NKAIN2: variants seen among roughly 807,000 people sequenced by gnomAD.
NKAIN2 encodes sodium/potassium-transporting ATPase subunit beta-1-interacting protein 2.
A neutral mutation model predicts 32.6 loss-of-function variants in NKAIN2; 14 were observed. The ratio of observed to expected loss-of-function variants is 0.43; its 90% CI spans 0.28 to 0.67. The LOEUF (loss-of-function observed/expected upper bound fraction) is 0.67. NKAIN2 is among the 30% of genes least tolerant of loss of function. The pLI, the probability that NKAIN2 is intolerant of heterozygous loss-of-function variation, is 0.17. For synonymous variants in NKAIN2, 80 were observed against 87.2 expected (o/e 0.92, Z 0.46); for missense variants, 198 against 258.3 (o/e 0.77, Z 1.60).
intron 3 of NKAIN2, among the ~76,000 whole-genome samples, chr6:124,522,256 G>A (rs970728946): frequency 1.3e-5 from 2 of 152,006 alleles, no homozygotes; most frequent in African/African-American, 4.8e-5. Context: ...ATGTAAAACT[G>A]CTTTCATATA....
At chr6:124,677,956 A>C (rs1227766096) in intron 4 of NKAIN2, among the ~76,000 whole-genome samples, 1 of 151,562 alleles carries the variant, frequency 6.6e-6, no homozygotes, top group Non-Finnish European at 1.5e-5. Flanking sequence ...TTTTTCCTTC[A>C]TTTTTGAATG....
intron 1 of NKAIN2, among the ~76,000 whole-genome samples, chr6:124,055,913 A>C (rs2114843964): frequency 6.6e-6 from 1 of 152,206 alleles, no homozygotes; most frequent in South Asian, 2.1e-4. Context: ...TTTAACTAAA[A>C]TGGTTGAATT....
chr6:123,884,193 T>A (rs1773606348), intron 1 of NKAIN2, among the ~76,000 whole-genome samples: 2 of 152,118 alleles, frequency 1.3e-5, no homozygotes, highest in Admixed American at 6.6e-5. Flanking sequence ...CTCCCCCTTA[T>A]AAGTGAGAAC....
At chr6:124,256,164 A>C (rs920467366) in intron 1 of NKAIN2, among the ~76,000 whole-genome samples, 6 of 152,190 alleles carry the variant, frequency 3.9e-5, no homozygotes, top group Non-Finnish European at 5.9e-5. Context: ...CATTTGGGCA[A>C]AAATACTCTG....
At chr6:124,056,063 G>C (rs113668322) in intron 1 of NKAIN2, among the ~76,000 whole-genome samples, 2,066 of 152,066 alleles carry the variant, frequency 0.014, 32 homozygotes, top group African/African-American at 0.039. Context: ...TGAGCTGATC[G>C]ATTGCCCACA....
In NKAIN2 at chr6:124,825,013, TAAAC is replaced by T. The variant is rs1230634231; in HGVS notation, c.*1787_*1790del. The T allele has an allele frequency of 1.3e-5, 2 of 152,596 alleles. No individual in the cohort carries two copies. The highest frequency in any genetic ancestry group is 2.9e-5 in the Non-Finnish European group (2 of 68,026). The allele number at this position is 152,596 out of a possible 1,614,324, so 9.5% of individuals were successfully genotyped here. On this transcript the variant is annotated 3_prime_UTR_variant, in exon 7 of 7. Coordinates refer to ENST00000368417, the MANE Select transcript of NKAIN2 (RefSeq NM_001040214.3). ...TTTGTCCATACATACATGTATAAAA[TAAAC>T]AATTGCAAACATGTCAGTGAAACCT...
intron 4 of NKAIN2, among the ~76,000 whole-genome samples, chr6:124,705,954 A>G (rs1431455783): frequency 6.6e-6 from 1 of 152,154 alleles, no homozygotes; most frequent in Admixed American, 6.6e-5. Context: ...CAAATCCTCC[A>G]CACATACTGT....
chr6:124,118,876 G>A (rs1381494255), intron 1 of NKAIN2, among the ~76,000 whole-genome samples: 2 of 152,104 alleles, frequency 1.3e-5, no homozygotes, highest in Non-Finnish European at 2.9e-5. Context: ...TAGCATGAAA[G>A]AAACCATAGG....
At chr6:124,652,691 G>A (rs904716728) in intron 3 of NKAIN2, among the ~76,000 whole-genome samples, 1 of 152,094 alleles carries the variant, frequency 6.6e-6, no homozygotes, top group Non-Finnish European at 1.5e-5. Flanking sequence ...TTATAATATG[G>A]CAGAAGGCAT....
intron 2 of NKAIN2, among the ~76,000 whole-genome samples, chr6:124,349,012 G>T (rs952862152): frequency 2.0e-5 from 3 of 152,158 alleles, no homozygotes; most frequent in Non-Finnish European, 4.4e-5. Flanking sequence ...TTGTTTTTAA[G>T]ACAAGATTTG....
intron 2 of NKAIN2, among the ~76,000 whole-genome samples, chr6:124,311,768 C>T (rs891185529): frequency 6.6e-6 from 1 of 152,074 alleles, no homozygotes; most frequent in Non-Finnish European, 1.5e-5. Context: ...TCTTAAGAGA[C>T]CTGGTTGCAG....
chr6:124,216,599 TA>T (rs1157789007), intron 1 of NKAIN2, among the ~76,000 whole-genome samples: 2 of 152,218 alleles, frequency 1.3e-5, no homozygotes, highest in African/African-American at 4.8e-5. Flanking sequence ...TTCACTGTTT[TA>T]AACGGCCTGC....
rs73567552 is a variant in NKAIN2, at chr6:124,549,590, G to A, written c.274-108596G>A. Among the ~76,000 whole-genome samples the A allele has an allele frequency of 7.5e-3, 1,146 of 152,192 alleles. 16 individuals are homozygous for A. The highest frequency in any genetic ancestry group is 0.026 in the African/African-American group (1,087 of 41,516). ...GAACTTATTCAGTGTTTTCACTACT[G>A]CATTTTTCCTTGTCCCAGGATCCCA... is the stretch of plus-strand genomic sequence containing the variant. On this transcript the variant is annotated intron_variant, in intron 3 of 6. Coordinates refer to ENST00000368417, the MANE Select transcript of NKAIN2 (RefSeq NM_001040214.3).
At chr6:124,690,888 G>C (rs752080160) in intron 4 of NKAIN2, among the ~76,000 whole-genome samples, 62 of 152,050 alleles carry the variant, frequency 4.1e-4, no homozygotes, top group Non-Finnish European at 8.2e-4. Flanking sequence ...TTGTCACATG[G>C]CTTTCTTTTG....
At chr6:124,138,279 A>G (rs1271268310) in intron 1 of NKAIN2, among the ~76,000 whole-genome samples, 4 of 152,182 alleles carry the variant, frequency 2.6e-5, no homozygotes, top group Non-Finnish European at 5.9e-5. Flanking sequence ...TAGAACTACA[A>G]TGAGAAACCA....
intron 4 of NKAIN2, among the ~76,000 whole-genome samples, chr6:124,726,432 C>T (rs1296398292): frequency 3.3e-5 from 5 of 152,106 alleles, no homozygotes; most frequent in Non-Finnish European, 5.9e-5. Context: ...TGGGAGGCAC[C>T]CCCCAGCAGG....
chr6:124,694,151 C>G (rs1254814818), intron 4 of NKAIN2, among the ~76,000 whole-genome samples: 1 of 152,058 alleles, frequency 6.6e-6, no homozygotes, highest in African/African-American at 2.4e-5. Flanking sequence ...TTAAACAAGT[C>G]TATGTGTGTG....
At position 123,927,340 on chromosome 6, in the gene NKAIN2, C is replaced by T. The variant is rs187047015; in HGVS notation, c.54+123086C>T. Among the ~76,000 whole-genome samples, 190 of 152,184 alleles carry T rather than the reference C, an allele frequency of 1.2e-3. 1 individual carries two copies. Among genetic ancestry groups the T allele is most frequent in the Non-Finnish European group, 2.0e-3 (139 of 68,008 alleles). On this transcript the variant is annotated intron_variant, in intron 1 of 6. Transcript: ENST00000368417. ...TTCATATAAACATTCTGTTTTGTTCCTAGGAATTCCATATCTTGGCAGAAT... is the reference window on the plus strand; with the variant it reads ...TTCATATAAACATTCTGTTTTGTTCTTAGGAATTCCATATCTTGGCAGAAT...
At chr6:124,487,500 T>C (rs2114716077) in intron 3 of NKAIN2, among the ~76,000 whole-genome samples, 1 of 152,266 alleles carries the variant, frequency 6.6e-6, no homozygotes, top group Non-Finnish European at 1.5e-5. Context: ...GGATTTTAAA[T>C]GAATGCCTGA....
Sources: gnomAD v4.1 joint callset for allele counts (sites outside exome capture counted in the v4.1 genomes callset) on GRCh38, gnomAD v4.1.1 for gene constraint, MANE v1.5 for transcripts, NCBI Gene and HGNC (gene_info 2026-07-23, HGNC 2026-07-21) for gene names.